CCDC15: variants seen among roughly 807,000 people sequenced by gnomAD.
CCDC15 encodes coiled-coil domain containing 15.
A neutral mutation model predicts 114.5 loss-of-function variants in CCDC15; 105 were observed. The observed-to-expected ratio is 0.92, with a 90% CI of 0.78 to 1.08. The LOEUF (loss-of-function observed/expected upper bound fraction) is 1.08. Ranked by LOEUF, CCDC15 falls within the 50% of genes least tolerant of loss-of-function variation. The probability of loss-of-function intolerance (pLI) is 0.00; values close to 1 mark genes in which losing one functional copy is unlikely to be tolerated. For missense variants in CCDC15, 1,105 were observed against 1,093.6 expected (o/e 1.01, Z -0.15); for synonymous variants, 334 against 377.8 (o/e 0.88, Z 1.34).
chr11:125,005,998 G>A (rs114189844), intron 13 of CCDC15, among the ~76,000 whole-genome samples: 6,185 of 152,140 alleles, frequency 0.041, 150 homozygotes, highest in Middle Eastern at 0.082. Context: ...CCAATATTTA[G>A]CAATTATGAA....
At chr11:124,963,727 T>G (rs1216327255) in intron 4 of CCDC15, among the ~76,000 whole-genome samples, 1 of 152,234 alleles carries the variant, frequency 6.6e-6, no homozygotes, top group Non-Finnish European at 1.5e-5. Context: ...CATGCCTGTG[T>G]CCTGAATGGT....
chr11:124,984,174 T>C (rs1038206814), intron 6 of CCDC15, among the ~76,000 whole-genome samples: 5 of 151,904 alleles, frequency 3.3e-5, no homozygotes, highest in African/African-American at 1.2e-4. Flanking sequence ...CACACACACA[T>C]GTGAGTAAAA....
At position 124,972,448 on chromosome 11, in the gene CCDC15, T is replaced by A. The variant is rs185155992; in HGVS notation, c.517-2648T>A. The stretch of plus-strand genomic sequence containing the variant: ...ACCAACATCATCTTGCAGAGAAATG[T>A]GCTTATCTACTTGTTTATTTGAATT... On this transcript the variant is annotated intron_variant, in intron 4 of 15. Transcript: ENST00000344762. Among the ~76,000 whole-genome samples, 79 of 152,278 alleles carry A rather than the reference T, an allele frequency of 5.2e-4. 1 individual carries two copies. Among genetic ancestry groups the A allele is most frequent in the Admixed American group, 5.0e-3 (76 of 15,288 alleles).
chr11:125,007,842 G>A (rs1948562987), intron 13 of CCDC15, among the ~76,000 whole-genome samples: 2 of 152,186 alleles, frequency 1.3e-5, no homozygotes, highest in African/African-American at 4.8e-5. Flanking sequence ...CGGATGACAA[G>A]CATGAGTGCC....
At chr11:124,958,055 A>T (rs889223967) in intron 2 of CCDC15, among the ~76,000 whole-genome samples, 1 of 152,234 alleles carries the variant, frequency 6.6e-6, no homozygotes, top group African/African-American at 2.4e-5. Context: ...CATCTGTAAC[A>T]TAAGGGATAA....
chr11:124,992,595 A>G lies in CCDC15; in HGVS notation c.2047A>G (p.Met683Val), dbSNP rs369432684. The change falls in exon 10 of 16, where the codon ATG becomes GTG. Residue 683 changes from methionine (M) to valine (V), a missense_variant. Met to Val is a conservative substitution (Grantham distance 21). Coordinates refer to ENST00000344762, the MANE Select transcript of CCDC15 (RefSeq NM_025004.3). ...DIKNQQPASF[M>V]REERVREELP... ...GTTTCTCAAGCAACCTGCATCTTTT[A>G]TGAGAGAAGAAAGAGTGAGAGAAGA... 9.4e-6 allele frequency: 15 copies of G among 1,593,726 alleles called. No individual in the cohort carries two copies. In the African/African-American group the frequency reaches 1.9e-4, roughly 20 times the overall value.
rs191606516 is a variant in CCDC15 at position 124,972,937 on chromosome 11, C to A, written c.517-2159C>A. On this transcript the variant is annotated intron_variant, in intron 4 of 15. Transcript: ENST00000344762. ...CTCAATGTCCTTAAGATCTCAAGAT[C>A]CTTAACTTAATCACATTTGCAAAGG... is the stretch of plus-strand genomic sequence containing the variant. 8.5e-5 allele frequency among the ~76,000 whole-genome samples: 13 copies of A among 152,230 alleles called. No individual in the cohort carries two copies. The East Asian group carries it at 2.5e-3, about 29-fold the overall frequency.
At chr11:125,019,718 C>T (rs1948649848) in intron 13 of CCDC15, among the ~76,000 whole-genome samples, 1 of 151,790 alleles carries the variant, frequency 6.6e-6, no homozygotes, top group Non-Finnish European at 1.5e-5. Flanking sequence ...AACAGATTTG[C>T]CAGGAAGGTG....
In CCDC15 at chr11:125,003,917, G is replaced by A; in HGVS notation, c.2265G>A (p.Leu755=). ...TGAGCACTGAATTCCAAGCTCCACT[G>A]GCATTTCAGTCTGACGTGGATAAAG... ...SGLSTEFQAP[L]AFQSDVDKEE... The change falls in exon 12 of 16, where the codon CTG becomes CTA. Residue 755 remains leucine (L), a synonymous_variant. Coordinates refer to ENST00000344762, the MANE Select transcript of CCDC15 (RefSeq NM_025004.3). The A allele has an allele frequency of 6.4e-7, 1 of 1,565,114 alleles. No individual in the cohort carries two copies. The highest frequency in any genetic ancestry group is 8.6e-7 in the Non-Finnish European group (1 of 1,161,816).
intron 6 of CCDC15, 28 bp from the exon 7 acceptor site, chr11:124,986,714 T>TGCGC (rs60614383): frequency 7.6e-6 from 10 of 1,307,374 alleles, no homozygotes; most frequent in African/African-American, 1.7e-5. Context: ...CGCGCGCGCG[T>TGCGC]GCGCGTTTTC....
Position 124,988,009 on chromosome 11 carries a change from A to T in CCDC15, c.1783A>T (p.Lys595Ter). 1 of 1,613,868 alleles carries T rather than the reference A, an allele frequency of 6.2e-7. No individual in the cohort carries two copies. The highest frequency in any genetic ancestry group is 1.1e-5 in the South Asian group (1 of 91,084). Residue 595 changes from lysine (K) to a stop codon, truncating the protein, a stop_gained, in exon 8 of 16, where the codon AAA becomes TAA. Coordinates refer to ENST00000344762, the MANE Select transcript of CCDC15 (RefSeq NM_025004.3). LOFTEE classifies it high-confidence loss of function. The stretch of plus-strand genomic sequence containing the variant: ...ACCCAGAGACCAAGGTTATCTTCCT[A>T]AAGACCAAAATATTCTACCCATATG... ...FLPRDQGYLPKDQNILPICQD... is the reference protein window; with the variant it reads ...FLPRDQGYLP
intron 8 of CCDC15, among the ~76,000 whole-genome samples, chr11:124,989,223 T>C (rs538109639): frequency 1.3e-5 from 2 of 152,360 alleles, no homozygotes; most frequent in African/African-American, 4.8e-5. Flanking sequence ...TTGTATATCT[T>C]CATCAGAGCT....
chr11:124,993,327 GC>G (rs1948303772), intron 11 of CCDC15, 84 bp downstream of exon 11: 1 of 921,754 alleles, frequency 1.1e-6, no homozygotes, highest in South Asian at 1.5e-5. Flanking sequence ...AGTGTAAATT[GC>G]TTTTTTTTTG....
At chr11:125,001,916 A>T (rs773602781) in intron 11 of CCDC15, among the ~76,000 whole-genome samples, 1 of 151,906 alleles carries the variant, frequency 6.6e-6, no homozygotes, top group Non-Finnish European at 1.5e-5. Context: ...GTCATATTAT[A>T]CCTCATAGTG....
intron 13 of CCDC15, among the ~76,000 whole-genome samples, chr11:125,011,239 A>ATTTTTTTTTTTTT (rs1398467750): frequency 1.5e-5 from 2 of 135,138 alleles, no homozygotes; most frequent in African/African-American, 5.8e-5. Context: ...TATTATTATT[A>ATTTTTTTTTTTTT]TTATTATTAT....
At chr11:124,956,412 G>T (rs1162178935) in intron 2 of CCDC15, among the ~76,000 whole-genome samples, 1 of 151,882 alleles carries the variant, frequency 6.6e-6, no homozygotes, top group African/African-American at 2.4e-5. Flanking sequence ...CTGCACTCTA[G>T]CCTGGGCAAT....
intron 13 of CCDC15, among the ~76,000 whole-genome samples, chr11:125,007,962 C>T (rs945485972): frequency 1.1e-4 from 16 of 152,084 alleles, no homozygotes; most frequent in East Asian, 5.8e-4. Flanking sequence ...GTCTTGAAGT[C>T]GGGTAATTTC....
intron 13 of CCDC15, among the ~76,000 whole-genome samples, chr11:125,006,635 GAGTTTTGT>G (rs1322645354): frequency 1.3e-5 from 2 of 152,058 alleles, no homozygotes; most frequent in Non-Finnish European, 2.9e-5. Flanking sequence ...TACCTTCTAG[GAGTTTTGT>G]AGTTTTGCAT....
chr11:125,025,640 C>T (rs946087098), intron 13 of CCDC15, among the ~76,000 whole-genome samples: 37 of 151,970 alleles, frequency 2.4e-4, no homozygotes, highest in African/African-American at 8.9e-4. Flanking sequence ...TCTTGAGTTA[C>T]CTTTAATAAT....
Sources: gnomAD v4.1 joint callset for allele counts (sites outside exome capture counted in the v4.1 genomes callset) on GRCh38, gnomAD v4.1.1 for gene constraint, MANE v1.5 for transcripts, NCBI Gene and HGNC (gene_info 2026-07-23, HGNC 2026-07-21) for gene names.